Variants in SLC6A11 observed in about 807,000 individuals in gnomAD.
The protein encoded by SLC6A11 is sodium- and chloride-dependent GABA transporter 3.
In SLC6A11, 25 loss-of-function variants were observed where a neutral mutation model predicts 74.8. The observed-to-expected ratio is 0.33, with a 90% confidence interval of 0.24 to 0.47. The LOEUF is 0.47. SLC6A11 is among the 20% of genes least tolerant of loss of function. The pLI, the probability that SLC6A11 is intolerant of heterozygous loss-of-function variation, is 1.00. For missense variants in SLC6A11, 574 were observed against 837.0 expected, an observed-to-expected ratio of 0.69 and a Z score of 3.88; for synonymous variants, 330 against 330.2, an observed-to-expected ratio of 1.00 and a Z score of 0.01.
intron 6 of SLC6A11, among the ~76,000 whole-genome samples, chr3:10,883,852 T>C (rs1695011270): frequency 6.6e-6 from 1 of 152,078 alleles, no homozygotes; most frequent in Non-Finnish European, 1.5e-5. Flanking sequence ...TGGCCCTCAC[T>C]GAGGTGGGGG....
intron 6 of SLC6A11, among the ~76,000 whole-genome samples, chr3:10,906,522 G>A (rs924139158): frequency 6.6e-6 from 1 of 152,196 alleles, no homozygotes; most frequent in Admixed American, 6.5e-5. Flanking sequence ...TACTGGGAGA[G>A]GACTCTCTTT....
At chr3:10,843,708 C>T (rs909365980) in intron 4 of SLC6A11, among the ~76,000 whole-genome samples, 14 of 152,222 alleles carry the variant, frequency 9.2e-5, no homozygotes, top group African/African-American at 3.4e-4. Flanking sequence ...TGTCTTGACA[C>T]AGGCTTCCAT....
At chr3:10,887,162 G>A (rs1464758242) in intron 6 of SLC6A11, among the ~76,000 whole-genome samples, 4 of 151,656 alleles carry the variant, frequency 2.6e-5, no homozygotes, top group African/African-American at 7.3e-5. Context: ...ATGCATGAAT[G>A]GGTAGATGGA....
At chr3:10,869,112 C>G (rs2106599921) in intron 5 of SLC6A11, among the ~76,000 whole-genome samples, 1 of 152,344 alleles carries the variant, frequency 6.6e-6, no homozygotes, top group African/African-American at 2.4e-5. Flanking sequence ...GCTATATACA[C>G]TGTCCTGGGT....
rs545280565 is a variant in SLC6A11 at position 10,928,285 on chromosome 3, C to A, written c.1234-917C>A. Among the ~76,000 whole-genome samples the A allele has an allele frequency of 3.9e-5, 6 of 152,234 alleles. No individual in the cohort carries two copies. In the East Asian group the frequency reaches 1.2e-3, roughly 29 times the overall value. On this transcript the variant is annotated intron_variant, in intron 9 of 13. Transcript: ENST00000254488. The stretch of plus-strand genomic sequence containing the variant: ...ATAGACAGATGACAATGATGTGGCC[C>A]CTTCCCTCCAGGATCCCACCTGCTT...
rs141790864 is a variant in SLC6A11 at position 10,896,520 on chromosome 3, A to G, written c.892-15570A>G. On this transcript the variant is annotated intron_variant, in intron 6 of 13. Coordinates refer to ENST00000254488, the MANE Select transcript of SLC6A11 (RefSeq NM_014229.3). ...GGCCCAGCAGAGCTGGAACTCAACC[A>G]GATCTGTCTGATTTTGTGAGATTTT... 3.6e-3 allele frequency among the ~76,000 whole-genome samples: 554 copies of G among 152,372 alleles called. 6 individuals carry two copies. The highest frequency in any genetic ancestry group is 0.013 in the African/African-American group (527 of 41,594).
chr3:10,873,251 G>C (rs1452407798), intron 5 of SLC6A11, among the ~76,000 whole-genome samples: 5 of 152,076 alleles, frequency 3.3e-5, no homozygotes, highest in African/African-American at 4.8e-5. Flanking sequence ...GGGTCTCTCG[G>C]GTTCATTGGG....
At position 10,885,968 on chromosome 3, in the gene SLC6A11, C is replaced by T. The variant is rs113137884; in HGVS notation, c.891+10873C>T. ...TTTCCAGCACTCCCACTGTGGATTC[C>T]AGCTGTTCCCACTGTCCTCACTCTG... On this transcript the variant is annotated intron_variant, in intron 6 of 13. Transcript: ENST00000254488. Among the ~76,000 whole-genome samples the T allele has an allele frequency of 7.2e-3, 1,096 of 152,240 alleles. 10 individuals are homozygous for T. Among genetic ancestry groups the T allele is most frequent in the African/African-American group, 0.022 (904 of 41,540 alleles).
At position 10,870,036 on chromosome 3, in the gene SLC6A11, A is replaced by G. The variant is rs565463338; in HGVS notation, c.757-4925A>G. ...AGGGGGCAGACAATACCCTCTGCCTATTTCTGCGTCCTTGGCTAGTTCCAC... is the reference window on the plus strand; with the variant it reads ...AGGGGGCAGACAATACCCTCTGCCTGTTTCTGCGTCCTTGGCTAGTTCCAC... On this transcript the variant is annotated intron_variant, in intron 5 of 13. Transcript: ENST00000254488. Among the ~76,000 whole-genome samples, 4 of 152,234 alleles carry G rather than the reference A, an allele frequency of 2.6e-5. No homozygotes were observed. In the South Asian group the frequency reaches 6.2e-4, roughly 24 times the overall value.
intron 5 of SLC6A11, among the ~76,000 whole-genome samples, chr3:10,862,902 C>T (rs938716672): frequency 6.6e-6 from 1 of 152,236 alleles, no homozygotes; most frequent in African/African-American, 2.4e-5. Flanking sequence ...AGCATAGGGC[C>T]TGGCACACTG....
chr3:10,837,201 C>T (rs1694378274), intron 4 of SLC6A11, among the ~76,000 whole-genome samples: 1 of 152,150 alleles, frequency 6.6e-6, no homozygotes, highest in Non-Finnish European at 1.5e-5. Context: ...GAAGGATGTT[C>T]CCAGCCGAGG....
chr3:10,837,256 T>C (rs1694378904), intron 4 of SLC6A11, among the ~76,000 whole-genome samples: 1 of 152,172 alleles, frequency 6.6e-6, no homozygotes, highest in South Asian at 2.1e-4. Flanking sequence ...TGCAGGATGT[T>C]TGGGGACTGA....
intron 10 of SLC6A11, among the ~76,000 whole-genome samples, chr3:10,931,037 A>G (rs1165430143): frequency 6.6e-6 from 1 of 152,152 alleles, no homozygotes. Context: ...CCCTCCTTAT[A>G]CACATTTAAA....
At chr3:10,880,169 G>A (rs890795575) in intron 6 of SLC6A11, among the ~76,000 whole-genome samples, 2 of 152,188 alleles carry the variant, frequency 1.3e-5, no homozygotes, top group African/African-American at 4.8e-5. Flanking sequence ...GTTAGGAAGA[G>A]TAGATTAGGA....
At chr3:10,878,295 G>A (rs1024819016) in intron 6 of SLC6A11, among the ~76,000 whole-genome samples, 7 of 137,652 alleles carry the variant, frequency 5.1e-5, no homozygotes, top group African/African-American at 1.7e-4. Context: ...AGTAGACATG[G>A]CCTTTCTACC....
chr3:10,832,910 G>A (rs1383326266), intron 4 of SLC6A11, among the ~76,000 whole-genome samples: 1 of 152,158 alleles, frequency 6.6e-6, no homozygotes, highest in African/African-American at 2.4e-5. Context: ...ACAGGATTTG[G>A]GTTTCCAAGC....
At chr3:10,837,319 G>A (rs1334947520) in intron 4 of SLC6A11, among the ~76,000 whole-genome samples, 1 of 152,170 alleles carries the variant, frequency 6.6e-6, no homozygotes, top group Non-Finnish European at 1.5e-5. Context: ...AGAGGGAATT[G>A]GAGAGGTAGC....
intron 6 of SLC6A11, among the ~76,000 whole-genome samples, chr3:10,890,727 C>G (rs1695097761): frequency 6.6e-6 from 1 of 152,224 alleles, no homozygotes; most frequent in Non-Finnish European, 1.5e-5. Flanking sequence ...TGTTTTCATT[C>G]CTTTCTACAG....
chr3:10,862,510 G>C (rs1013474090), intron 5 of SLC6A11, among the ~76,000 whole-genome samples: 4 of 152,200 alleles, frequency 2.6e-5, no homozygotes, highest in African/African-American at 9.7e-5. Context: ...CCTTCTTAAT[G>C]AGCATGGTTG....
Sources: allele counts gnomAD v4.1 joint callset (sites outside exome capture counted in the v4.1 genomes callset), GRCh38; gene constraint gnomAD v4.1.1; transcripts MANE v1.5; gene names NCBI Gene and HGNC (gene_info 2026-07-23, HGNC 2026-07-21).